LMX1B: variants seen among roughly 807,000 people sequenced by gnomAD.
The protein encoded by LMX1B is LIM homeobox transcription factor 1-beta.
In LMX1B, 12 loss-of-function variants were observed where a neutral mutation model predicts 51.4. That is an observed-to-expected ratio of 0.23 (90% CI 0.15 to 0.38). The LOEUF (loss-of-function observed/expected upper bound fraction) is 0.38. Among genes scored for constraint, LMX1B ranks in the 10% least tolerant of loss-of-function variants. The pLI, the probability that LMX1B is intolerant of heterozygous loss-of-function variation, is 1.00. For synonymous variants in LMX1B, 237 were observed against 235.4 expected (o/e 1.01, Z -0.06); for missense variants, 445 against 571.1 (o/e 0.78, Z 2.25).
chr9:126,696,202 C>A, intron 7 of LMX1B, 92 bp from the exon 8 acceptor site: 2 of 1,336,864 alleles, frequency 1.5e-6, no homozygotes, highest in South Asian at 1.2e-5. Flanking sequence ...CTGTCTCTCC[C>A]TGGCCTCCAG....
chr9:126,615,696 G>A lies in LMX1B; in HGVS notation c.326+127G>A, dbSNP rs576914694. On this transcript the variant is annotated intron_variant, in intron 2 of 7. Transcript: ENST00000373474. This position sits in a 1 kb window ranked among gnomAD's most constrained non-coding sequence, Gnocchi z 6.0. ...CGCGGCTGGGCCGGGCAGCTCCAAG[G>A]GTTCCGAGAGCTGCGCGTCTTGGGG... 534 of 830,808 alleles carry A rather than the reference G, an allele frequency of 6.4e-4. 16 individuals are homozygous for A. The South Asian group carries it at 1.0e-2, about 16-fold the overall frequency. The allele number at this position is 830,808 out of a possible 1,614,324, so 51.5% of individuals were successfully genotyped here.
chr9:126,696,357 T>G lies in LMX1B; in HGVS notation c.1115T>G (p.Phe372Cys). 6.2e-7 allele frequency: 1 copy of G among 1,614,042 alleles called. No individual in the cohort carries two copies. Among genetic ancestry groups the G allele is most frequent in the Non-Finnish European group, 8.5e-7 (1 of 1,179,960 alleles). ...DTSLTSLSDCFLGSSDVGSLQ... is the reference protein window; with the variant it reads ...DTSLTSLSDCCLGSSDVGSLQ... ...TCCTTAACCAGCCTCAGCGACTGCT[T>G]CCTCGGCTCCTCAGACGTGGGCTCC... Residue 372 changes from phenylalanine to cysteine, a missense_variant, in exon 8 of 8, where the codon TTC (phenylalanine) becomes TGC (cysteine). Transcript: ENST00000373474.
intron 2 of LMX1B, among the ~76,000 whole-genome samples, chr9:126,670,145 G>T (rs1222067558): frequency 6.6e-6 from 1 of 152,174 alleles, no homozygotes; most frequent in African/African-American, 2.4e-5. Flanking sequence ...GAATATACCA[G>T]CTGGGCCCCC....
At chr9:126,621,794 G>A (rs1045219473) in intron 2 of LMX1B, among the ~76,000 whole-genome samples, 1 of 151,292 alleles carries the variant, frequency 6.6e-6, no homozygotes, top group African/African-American at 2.4e-5. Context: ...GTGTAATTTT[G>A]GGGGGAAGGT....
rs10115393 is a variant in LMX1B, at chr9:126,696,530, G to A, written c.*79G>A. 0.019 allele frequency: 29,380 copies of A among 1,533,440 alleles called. 2,914 individuals carry two copies. In the African/African-American group the frequency reaches 0.27, roughly 14 times the overall value. The allele number at this position is 1,533,440 out of a possible 1,614,324, so 95.0% of individuals were successfully genotyped here. A position where few individuals can be genotyped will look rare whatever the true frequency, so the allele number is the denominator to read the frequency against. Reference sequence around the variant, plus strand: ...CTCTGCGGCCAGCCTGGCCACCCCCGCCCTGCTCTCCGCACAGACTACAGA... The same window carrying A: ...CTCTGCGGCCAGCCTGGCCACCCCCACCCTGCTCTCCGCACAGACTACAGA... On this transcript the variant is annotated 3_prime_UTR_variant, in exon 8 of 8. Coordinates refer to ENST00000373474, the MANE Select transcript of LMX1B (RefSeq NM_001174147.2).
intron 2 of LMX1B, among the ~76,000 whole-genome samples, chr9:126,639,181 C>T (rs1458410678): frequency 6.6e-6 from 1 of 152,024 alleles, no homozygotes; most frequent in African/African-American, 2.4e-5. Context: ...GAGGGAGAGA[C>T]AGTGAGGCAG....
In LMX1B at chr9:126,693,167, C is replaced by A; in HGVS notation, c.585C>A (p.Asp195Glu). The change falls in exon 4 of 8, where the codon GAC becomes GAA. Residue 195 changes from aspartate (D) to glutamate (E), a missense_variant. Transcript: ENST00000373474. ...TGAAGAGCGAGGATGAAGATGGGGA[C>A]ATGAAGCCGGCCAAGGGGCAGGGCA... ...DSVKSEDEDGDMKPAKGQGSQ... is the reference protein window; with the variant it reads ...DSVKSEDEDGEMKPAKGQGSQ... 1 of 1,593,518 alleles carries A rather than the reference C, an allele frequency of 6.3e-7. No individual in the cohort carries two copies. Among genetic ancestry groups the A allele is most frequent in the Non-Finnish European group, 8.5e-7 (1 of 1,170,514 alleles).
In LMX1B at chr9:126,639,475, G is replaced by A. The variant is rs57049795; in HGVS notation, c.326+23906G>A. On this transcript the variant is annotated intron_variant, in intron 2 of 7. Transcript: ENST00000373474. ...AAGCTCCACTGGGCTCGGGCTGGAGGCTCTTCAGCTGCTAAGGAGTTAAAA... is the reference window on the plus strand; with the variant it reads ...AAGCTCCACTGGGCTCGGGCTGGAGACTCTTCAGCTGCTAAGGAGTTAAAA... 9.3e-3 allele frequency among the ~76,000 whole-genome samples: 1,417 copies of A among 152,370 alleles called. 24 individuals carry two copies. Among genetic ancestry groups the A allele is most frequent in the African/African-American group, 0.032 (1,334 of 41,586 alleles).
intron 2 of LMX1B, among the ~76,000 whole-genome samples, chr9:126,636,511 AG>A (rs542468286): frequency 6.6e-6 from 1 of 151,224 alleles, no homozygotes; most frequent in South Asian, 2.1e-4. Context: ...GGTTCTAAGC[AG>A]GGGGGTGTCA....
chr9:126,685,703 A>AGG (rs1463166349), intron 2 of LMX1B, among the ~76,000 whole-genome samples: 1 of 152,156 alleles, frequency 6.6e-6, no homozygotes, highest in African/African-American at 2.4e-5. Context: ...GCACCCTCAG[A>AGG]GGAGGGTAGG....
intron 2 of LMX1B, among the ~76,000 whole-genome samples, chr9:126,620,022 A>T (rs555783085): frequency 2.0e-5 from 3 of 152,150 alleles, no homozygotes; most frequent in Non-Finnish European, 4.4e-5. Flanking sequence ...AGGACCTGGC[A>T]TCTTGCCTGG....
intron 3 of LMX1B, 57 bp from the exon 4 acceptor site, chr9:126,693,085 G>C: frequency 6.5e-7 from 1 of 1,527,056 alleles, no homozygotes; most frequent in Admixed American, 2.0e-5. Context: ...AGGGGACAAG[G>C]CTGAGGCCTG....
intron 2 of LMX1B, among the ~76,000 whole-genome samples, chr9:126,687,255 G>GTC (rs1388132511): frequency 2.6e-5 from 4 of 151,258 alleles, no homozygotes; most frequent in Non-Finnish European, 5.9e-5. Context: ...TTGAGACGGA[G>GTC]TCTCTCTCTG....
intron 2 of LMX1B, among the ~76,000 whole-genome samples, chr9:126,672,568 G>A (rs1238824294): frequency 6.6e-6 from 1 of 152,196 alleles, no homozygotes; most frequent in African/African-American, 2.4e-5. Context: ...GCTGCGAAGG[G>A]ACAGGCACTG....
At chr9:126,688,034 G>A (rs780056054) in intron 2 of LMX1B, among the ~76,000 whole-genome samples, 3 of 152,224 alleles carry the variant, frequency 2.0e-5, no homozygotes, top group Non-Finnish European at 4.4e-5. Flanking sequence ...GTTTTATTGG[G>A]TGGAGAGATG....
rs1028918113 is a variant in LMX1B, at chr9:126,695,183, TCTC to T, written c.887-648_887-646del. Among the ~76,000 whole-genome samples the T allele has an allele frequency of 2.6e-5, 4 of 151,746 alleles. No individual in the cohort carries two copies. Among genetic ancestry groups the T allele is most frequent in the African/African-American group, 9.7e-5 (4 of 41,262 alleles). On this transcript the variant is annotated intron_variant, in intron 6 of 7. Transcript: ENST00000373474. This position sits in a 1 kb window ranked among gnomAD's most constrained non-coding sequence, Gnocchi z 5.2. Reference sequence around the variant, plus strand: ...CCTCACCCACTGGCCCCAGCCTCGGTCTCCTCCTCCAGCCTTTCTCACCCTCGT... The same window carrying T: ...CCTCACCCACTGGCCCCAGCCTCGGTCTCCTCCAGCCTTTCTCACCCTCGT...
At position 126,670,978 on chromosome 9, in the gene LMX1B, C is replaced by T. The variant is rs189305482; in HGVS notation, c.327-19858C>T. 1.2e-4 allele frequency among the ~76,000 whole-genome samples: 18 copies of T among 152,294 alleles called. No individual in the cohort carries two copies. The East Asian group carries it at 2.9e-3, about 25-fold the overall frequency. On this transcript the variant is annotated intron_variant, in intron 2 of 7. Coordinates refer to ENST00000373474, the MANE Select transcript of LMX1B (RefSeq NM_001174147.2). ...GATTGGGAGCCCAGCACACACAGAC[C>T]TCCCACGCTAGCTGCCACCACTGTG...
chr9:126,676,564 C>T (rs1160569988), intron 2 of LMX1B, among the ~76,000 whole-genome samples: 3 of 152,232 alleles, frequency 2.0e-5, no homozygotes, highest in Non-Finnish European at 4.4e-5. Flanking sequence ...CACAGCGGGA[C>T]AGTATTCCAA....
Position 126,671,152 on chromosome 9 carries a change from G to A in LMX1B, c.327-19684G>A, listed in dbSNP as rs59691698. Among the ~76,000 whole-genome samples, 11,129 of 152,210 alleles carry A rather than the reference G, an allele frequency of 0.073. 1,344 individuals carry two copies. The highest frequency in any genetic ancestry group is 0.25 in the African/African-American group (10,394 of 41,486). On this transcript the variant is annotated intron_variant, in intron 2 of 7. Coordinates refer to ENST00000373474, the MANE Select transcript of LMX1B (RefSeq NM_001174147.2). The surrounding 1 kb of genome is among the most constrained non-coding windows in gnomAD (Gnocchi z 4.4). ...CAGCCCCATGCCCAGCTCACCAGCC[G>A]TTGGCAGGAATTCAATCCCACCCCA...
Sources: allele counts gnomAD v4.1 joint callset (sites outside exome capture counted in the v4.1 genomes callset), GRCh38; gene constraint gnomAD v4.1.1; non-coding constraint Gnocchi (gnomAD v3.1); transcripts MANE v1.5; gene names NCBI Gene and HGNC (gene_info 2026-07-23, HGNC 2026-07-21).